ANKFY1: variants seen among roughly 807,000 people sequenced by gnomAD.
ANKFY1 encodes the protein ankyrin repeat and FYVE domain containing 1, also known as ankyrin repeat and FYVE domain-containing protein 1.
A neutral mutation model predicts 128.3 loss-of-function variants in ANKFY1; 47 were observed. The ratio of observed to expected loss-of-function variants is 0.37; its 90% confidence interval spans 0.29 to 0.47. ANKFY1 has a LOEUF of 0.47. Among genes scored for constraint, ANKFY1 ranks in the 20% least tolerant of loss-of-function variants. The probability of loss-of-function intolerance (pLI) is 1.00; values close to 1 mark genes in which losing one functional copy is unlikely to be tolerated. For missense variants in ANKFY1, 1,222 were observed against 1,510.6 expected (o/e 0.81, Z 3.17); for synonymous variants, 553 against 601.6 (o/e 0.92, Z 1.18).
chr17:4,185,993 A>G (rs1238266444), intron 11 of ANKFY1, among the ~76,000 whole-genome samples: 1 of 152,164 alleles, frequency 6.6e-6, no homozygotes, highest in East Asian at 1.9e-4. Flanking sequence ...AAAGTTAAAA[A>G]TATTTTTAAT....
chr17:4,214,675 G>A (rs981759902), intron 4 of ANKFY1, among the ~76,000 whole-genome samples: 6 of 151,896 alleles, frequency 4.0e-5, no homozygotes, highest in Admixed American at 1.3e-4. Flanking sequence ...ACAGGTGCCC[G>A]CCACCACGCC....
At chr17:4,190,723 C>G (rs1288279294) in intron 10 of ANKFY1, among the ~76,000 whole-genome samples, 3 of 151,986 alleles carry the variant, frequency 2.0e-5, no homozygotes, top group Non-Finnish European at 2.9e-5. Context: ...GGTTTTAGCC[C>G]TAAAACAGTG....
intron 7 of ANKFY1, among the ~76,000 whole-genome samples, chr17:4,202,495 G>C (rs1410843926): frequency 1.3e-5 from 2 of 150,642 alleles, no homozygotes; most frequent in African/African-American, 4.9e-5. Flanking sequence ...TCAGGAGATC[G>C]AGACCATCCT....
intron 3 of ANKFY1, among the ~76,000 whole-genome samples, chr17:4,219,596 C>A (rs2060275387): frequency 6.6e-6 from 1 of 151,988 alleles, no homozygotes; most frequent in South Asian, 2.1e-4. Context: ...TCCTTTCCAA[C>A]TAGAGTGGGA....
intron 1 of ANKFY1, among the ~76,000 whole-genome samples, chr17:4,247,436 T>C (rs1182410654): frequency 6.6e-6 from 1 of 152,164 alleles, no homozygotes; most frequent in African/African-American, 2.4e-5. Context: ...TTAGCATGAT[T>C]TGGGGCTCTT....
chr17:4,230,219 C>T (rs2060491953), intron 3 of ANKFY1, among the ~76,000 whole-genome samples: 1 of 152,184 alleles, frequency 6.6e-6, no homozygotes, highest in African/African-American at 2.4e-5. Flanking sequence ...GATGGTGCTT[C>T]AGGGGATAGC....
In ANKFY1 at chr17:4,173,370, C is replaced by T. The variant is rs1182518918; in HGVS notation, c.2998G>A (p.Glu1000Lys). 7 of 1,614,026 alleles carry T rather than the reference C, an allele frequency of 4.3e-6. No homozygotes were observed. The highest frequency in any genetic ancestry group is 2.2e-5 in the East Asian group (1 of 44,894). Residue 1000 changes from glutamate (E) to lysine (K), a missense_variant, in exon 21 of 25, where the codon GAA becomes AAA. Coordinates refer to ENST00000341657, the MANE Select transcript of ANKFY1 (RefSeq NM_001330063.2). ...CGCGCTCACCTGAGATTAAAGGCTTCGGCGTCCACTGTGCACTCTGTCAGG... is the reference window on the plus strand; with the variant it reads ...CGCGCTCACCTGAGATTAAAGGCTTTGGCGTCCACTGTGCACTCTGTCAGG... ...VLLTECTVDA[E>K]AFNLRGQSPL...
intron 4 of ANKFY1, 102 bp from the exon 5 acceptor site, chr17:4,210,049 A>G: frequency 4.5e-6 from 5 of 1,111,322 alleles, no homozygotes; most frequent in South Asian, 1.6e-5. Flanking sequence ...TGTCCTATTA[A>G]TAACACTATG....
At position 4,242,255 on chromosome 17, in the gene ANKFY1, C is replaced by A; in HGVS notation, c.203+1G>T. 6.4e-7 allele frequency: 1 copy of A among 1,562,308 alleles called. No individual in the cohort carries two copies. The highest frequency in any genetic ancestry group is 8.6e-7 in the Non-Finnish European group (1 of 1,160,198). ...CCTTCTGTGTCTAGGAGCTCTCCCA[C>A]CTGTACTGCTCCTGCTCGTAGAGGT... On this transcript the variant is annotated splice_donor_variant, in intron 2 of 24. Coordinates refer to ENST00000341657, the MANE Select transcript of ANKFY1 (RefSeq NM_001330063.2). LOFTEE classifies it high-confidence loss of function.
chr17:4,180,865 C>T (rs1341672692), intron 16 of ANKFY1, among the ~76,000 whole-genome samples: 2 of 152,108 alleles, frequency 1.3e-5, no homozygotes, highest in East Asian at 1.9e-4. Flanking sequence ...TCCCACACTT[C>T]CCACACTCCA....
chr17:4,186,773 C>A (rs952265244), intron 11 of ANKFY1: 1 of 975,538 alleles, frequency 1.0e-6, no homozygotes. Flanking sequence ...ACGCATTCTC[C>A]TTGGGTGTGC....
In ANKFY1 at chr17:4,166,149, C is replaced by G. The variant is rs138604576; in HGVS notation, c.*1630G>C. On this transcript the variant is annotated 3_prime_UTR_variant, in exon 25 of 25. Coordinates refer to ENST00000341657, the MANE Select transcript of ANKFY1 (RefSeq NM_001330063.2). ...GAAAGCATATACATCTTATAAATCA[C>G]AGACTTTTTTTTAAGTAGTACTCCA... 2.0e-5 allele frequency: 3 copies of G among 152,318 alleles called. No individual in the cohort carries two copies. In the East Asian group the frequency reaches 5.8e-4, roughly 29 times the overall value. The allele number at this position is 152,318 out of a possible 1,614,324, so 9.4% of individuals were successfully genotyped here.
rs1231514213 is a variant in ANKFY1 at position 4,164,939 on chromosome 17, G to A, written c.*2840C>T. ...AACGTGGCAGGTGAACTGAGCAATC[G>A]AATCCAGCCTCAACTAAATTGGTAA... On this transcript the variant is annotated 3_prime_UTR_variant, in exon 25 of 25. Coordinates refer to ENST00000341657, the MANE Select transcript of ANKFY1 (RefSeq NM_001330063.2). 2 of 152,616 alleles carry A rather than the reference G, an allele frequency of 1.3e-5. No homozygotes were observed. The highest frequency in any genetic ancestry group is 2.1e-4 in the South Asian group (1 of 4,838). 9.5% of individuals were successfully genotyped at this position (152,616 alleles called of 1,614,324 possible).
chr17:4,240,876 C>T (rs975245381), intron 2 of ANKFY1, among the ~76,000 whole-genome samples: 1 of 152,226 alleles, frequency 6.6e-6, no homozygotes, highest in Non-Finnish European at 1.5e-5. Flanking sequence ...GGCCCCCTCC[C>T]TGTCATCTAA....
intron 1 of ANKFY1, among the ~76,000 whole-genome samples, chr17:4,261,404 C>G (rs981544913): frequency 4.6e-5 from 7 of 152,168 alleles, no homozygotes; most frequent in Non-Finnish European, 4.4e-5. Context: ...CGCTTGAACC[C>G]AGGAGGTGGA....
intron 1 of ANKFY1, among the ~76,000 whole-genome samples, chr17:4,257,981 A>G (rs1401018423): frequency 6.6e-6 from 1 of 152,230 alleles, no homozygotes; most frequent in Non-Finnish European, 1.5e-5. Flanking sequence ...CAGTGACAGA[A>G]TCCTGTGTAT....
intron 1 of ANKFY1, among the ~76,000 whole-genome samples, chr17:4,243,930 C>CA (rs1967390778): frequency 2.1e-5 from 3 of 140,848 alleles, no homozygotes; most frequent in Admixed American, 1.5e-4. Context: ...CAAAGATAAA[C>CA]AATTTTTTTT....
At chr17:4,183,222 A>G (rs1451926927) in intron 14 of ANKFY1, among the ~76,000 whole-genome samples, 176 bp downstream of exon 14, 1 of 152,210 alleles carries the variant, frequency 6.6e-6, no homozygotes, top group Non-Finnish European at 1.5e-5. Flanking sequence ...CGCCATTACA[A>G]TCAAGTCTTT....
intron 7 of ANKFY1, among the ~76,000 whole-genome samples, chr17:4,201,298 C>T (rs542929960): frequency 2.0e-4 from 30 of 152,304 alleles, no homozygotes; most frequent in African/African-American, 6.7e-4. Context: ...ACCCAAAGTG[C>T]TGGTATGACA....
Sources: gnomAD v4.1 joint callset for allele counts (sites outside exome capture counted in the v4.1 genomes callset) on GRCh38, gnomAD v4.1.1 for gene constraint, MANE v1.5 for transcripts, NCBI Gene and HGNC (gene_info 2026-07-23, HGNC 2026-07-21) for gene names.